The following DDAH1 variants were observed in gnomAD, a reference collection of about 807,000 sequenced individuals.
DDAH1 encodes the protein dimethylarginine dimethylaminohydrolase 1, also known as N(G),N(G)-dimethylarginine dimethylaminohydrolase 1.
Under a neutral mutation model 28.8 loss-of-function variants are expected in DDAH1, and 19 were observed. The ratio of observed to expected loss-of-function variants is 0.66; its 90% CI spans 0.46 to 0.97. DDAH1 has a LOEUF of 0.97. Ranked by LOEUF, DDAH1 falls within the 50% of genes least tolerant of loss-of-function variation. The pLI is 0.00. For synonymous variants in DDAH1, 153 were observed against 154.4 expected, an observed-to-expected ratio of 0.99 and a Z score of 0.07; for missense variants, 326 against 375.9, an observed-to-expected ratio of 0.87 and a Z score of 1.10.
chr1:85,498,934 A>G (rs1306684238), intron 1 of DDAH1, among the ~76,000 whole-genome samples: 1 of 152,162 alleles, frequency 6.6e-6, no homozygotes, highest in African/African-American at 2.4e-5. Flanking sequence ...AAAAATAAAA[A>G]TAATAAAAAA....
At chr1:85,534,503 TG>T (rs1189372648) in intron 1 of DDAH1, among the ~76,000 whole-genome samples, 1 of 152,112 alleles carries the variant, frequency 6.6e-6, no homozygotes, top group Non-Finnish European at 1.5e-5. Context: ...AAAGAGAGTG[TG>T]TTGAGTGAGG....
rs114994854 is a variant in DDAH1 at position 85,321,764 on chromosome 1, C to T, written c.742-196G>A. ...GAACTGGTTAACCACTAGCCCTGTG[C>T]TTTAACCTCAAGGCCAAAGATGTGT... On this transcript the variant is annotated intron_variant, in intron 5 of 5. Transcript: ENST00000284031. Among the ~76,000 whole-genome samples the T allele has an allele frequency of 6.4e-3, 970 of 152,320 alleles. 10 individuals carry two copies. The highest frequency in any genetic ancestry group is 0.023 in the African/African-American group (941 of 41,572).
intron 1 of DDAH1, among the ~76,000 whole-genome samples, chr1:85,410,873 C>T (rs985884594): frequency 3.3e-5 from 5 of 152,176 alleles, no homozygotes; most frequent in Non-Finnish European, 1.5e-5. Flanking sequence ...TGAGAAATAT[C>T]CCCCTGCTTC....
chr1:85,576,455 C>T (rs1659607355), intron 1 of DDAH1, among the ~76,000 whole-genome samples: 1 of 152,198 alleles, frequency 6.6e-6, no homozygotes, highest in African/African-American at 2.4e-5. Context: ...TCGTGGGAGG[C>T]CAGGAGAAAC....
intron 4 of DDAH1, among the ~76,000 whole-genome samples, chr1:85,334,557 C>G (rs1647990845): frequency 6.6e-6 from 1 of 152,128 alleles, no homozygotes; most frequent in Non-Finnish European, 1.5e-5. Flanking sequence ...ATAGTGATTT[C>G]TCACAAGATC....
At chr1:85,397,292 T>C (rs551359493) in intron 1 of DDAH1, among the ~76,000 whole-genome samples, 167 of 152,266 alleles carry the variant, frequency 1.1e-3, no homozygotes, top group Non-Finnish European at 2.0e-3. Context: ...ATGGAAAGAA[T>C]GGAAAAAATT....
At chr1:85,527,704 AT>A (rs1293113329) in intron 1 of DDAH1, among the ~76,000 whole-genome samples, 4 of 151,532 alleles carry the variant, frequency 2.6e-5, no homozygotes, top group African/African-American at 7.3e-5. Context: ...ACTCCCTGCA[AT>A]TTTTTTTTCA....
chr1:85,480,919 C>T (rs1655989229), intron 2 of DDAH1, among the ~76,000 whole-genome samples: 1 of 151,776 alleles, frequency 6.6e-6, no homozygotes, highest in Non-Finnish European at 1.5e-5. Flanking sequence ...AGTATGATCA[C>T]AGTTTAATGA....
rs2100858277 is a variant in DDAH1 at position 85,358,771 on chromosome 1, T to C, written c.380A>G (p.Asp127Gly). 6.2e-7 allele frequency: 1 copy of C among 1,610,970 alleles called. No individual in the cohort carries two copies. The highest frequency in any genetic ancestry group is 8.5e-7 in the Non-Finnish European group (1 of 1,178,146). ...VEMKDENATL[D>G]GGDVLFTGRE... ...ACCTGTGAATAAAACATCTCCGCCA[T>C]CTAAAGTTGCATTTTCATCTTTCAT... is the stretch of plus-strand genomic sequence containing the variant. Residue 127 changes from aspartate (D) to glycine (G), a missense_variant, in exon 2 of 6, where the codon GAT becomes GGT. Coordinates refer to ENST00000284031, the MANE Select transcript of DDAH1 (RefSeq NM_012137.4).
chr1:85,566,707 G>T (rs955799729), intron 1 of DDAH1, among the ~76,000 whole-genome samples: 1 of 152,140 alleles, frequency 6.6e-6, no homozygotes, highest in Admixed American at 6.5e-5. Context: ...TAGGGATAAA[G>T]AAATTGTATT....
At position 85,552,730 on chromosome 1, in the gene DDAH1, C is replaced by T. The variant is rs145025759; in HGVS notation, c.-123+25254G>A. 2.6e-5 allele frequency among the ~76,000 whole-genome samples: 4 copies of T among 152,226 alleles called. No individual in the cohort carries two copies. The East Asian group carries it at 7.7e-4, about 29-fold the overall frequency. On this transcript the variant is annotated intron_variant, in intron 1 of 6. Transcript: ENST00000426972. ...AGGAAGAAGCTTGCTTTTGAGTAGA[C>T]AAAATAACTGACTCTTGGACAAGAA...
intron 1 of DDAH1, among the ~76,000 whole-genome samples, chr1:85,506,769 A>G (rs1657032599): frequency 6.6e-6 from 1 of 152,196 alleles, no homozygotes; most frequent in Non-Finnish European, 1.5e-5. Flanking sequence ...GGGAATGACT[A>G]CTGATAAAGT....
chr1:85,409,857 T>C (rs1652565877), intron 1 of DDAH1, among the ~76,000 whole-genome samples: 1 of 152,244 alleles, frequency 6.6e-6, no homozygotes, highest in Non-Finnish European at 1.5e-5. Flanking sequence ...TCTTAAGTTA[T>C]CAGTCATAAC....
At chr1:85,360,248 A>T (rs1267811504) in intron 1 of DDAH1, among the ~76,000 whole-genome samples, 2 of 152,240 alleles carry the variant, frequency 1.3e-5, no homozygotes, top group African/African-American at 2.4e-5. Flanking sequence ...ATATCATCTC[A>T]TCCTTGTCCT....
At chr1:85,535,830 CA>C (rs1474604569) in intron 1 of DDAH1, among the ~76,000 whole-genome samples, 1 of 151,026 alleles carries the variant, frequency 6.6e-6, no homozygotes, top group African/African-American at 2.4e-5. Flanking sequence ...CTTAGCTCAA[CA>C]GCAAAAAAGT....
At chr1:85,362,623 G>A (rs1649852570) in intron 1 of DDAH1, among the ~76,000 whole-genome samples, 1 of 152,040 alleles carries the variant, frequency 6.6e-6, no homozygotes. Flanking sequence ...TTAGCAATGT[G>A]ACTTGGATAA....
intron 1 of DDAH1, among the ~76,000 whole-genome samples, chr1:85,359,289 T>C (rs1458038283): frequency 6.6e-6 from 1 of 152,094 alleles, no homozygotes; most frequent in Non-Finnish European, 1.5e-5. Flanking sequence ...TAGCACACTA[T>C]TGGAGGCTAA....
rs1661213683 is a variant in DDAH1, at chr1:85,318,966, C to A, written c.*2486G>T. ...TTTAACTAAATTGAATCACATCACC[C>A]AAGTAATTCTGACTTAACTTTTACT... On this transcript the variant is annotated 3_prime_UTR_variant, in exon 6 of 6. Coordinates refer to ENST00000284031, the MANE Select transcript of DDAH1 (RefSeq NM_012137.4). 6.6e-6 allele frequency: 1 copy of A among 152,170 alleles called. No homozygotes were observed. Among genetic ancestry groups the A allele is most frequent in the Non-Finnish European group, 1.5e-5 (1 of 68,024 alleles). 9.4% of individuals were successfully genotyped at this position (152,170 alleles called of 1,614,324 possible). A position where few individuals can be genotyped will look rare whatever the true frequency, so the allele number is the denominator to read the frequency against.
intron 1 of DDAH1, among the ~76,000 whole-genome samples, chr1:85,436,990 C>T (rs1653971824): frequency 6.6e-6 from 1 of 152,144 alleles, no homozygotes; most frequent in South Asian, 2.1e-4. Flanking sequence ...ATTTCCTTTC[C>T]CTTGAATATG....
Sources: gnomAD v4.1 joint callset for allele counts (sites outside exome capture counted in the v4.1 genomes callset) on GRCh38, gnomAD v4.1.1 for gene constraint, MANE v1.5 for transcripts, NCBI Gene and HGNC (gene_info 2026-07-23, HGNC 2026-07-21) for gene names.